The following TAMM41 variants were observed in gnomAD, a reference collection of about 807,000 sequenced individuals.
TAMM41 encodes phosphatidate cytidylyltransferase, mitochondrial.
In TAMM41, 36 loss-of-function variants were observed where a neutral mutation model predicts 44.1. The ratio of observed to expected loss-of-function variants is 0.82; its 90% CI spans 0.63 to 1.08. The LOEUF (loss-of-function observed/expected upper bound fraction) is 1.08. Ranked by LOEUF, TAMM41 falls within the 50% of genes least tolerant of loss-of-function variation. The pLI is 0.00. For synonymous variants in TAMM41, 164 were observed against 153.1 expected, an observed-to-expected ratio of 1.07 and a Z score of -0.53; for missense variants, 417 against 404.3, an observed-to-expected ratio of 1.03 and a Z score of -0.27.
the TAMM41 span, among the ~76,000 whole-genome samples, chr3:11,777,208 A>G: frequency 6.6e-6 from 1 of 152,224 alleles, no homozygotes; most frequent in South Asian, 2.1e-4. Context: ...TTCACAATGT[A>G]TACATACATC....
At chr3:11,785,325 T>TTTTTG in the TAMM41 span, among the ~76,000 whole-genome samples, 31 of 151,956 alleles carry the variant, frequency 2.0e-4, no homozygotes, top group African/African-American at 7.2e-4. Flanking sequence ...CTGGTTTTTG[T>TTTTTG]TTTTGTTTTG....
rs562096973 is a variant in TAMM41, at chr3:11,794,211, A to T, written c.938-3630T>A. Among the ~76,000 whole-genome samples the T allele has an allele frequency of 2.0e-5, 3 of 150,760 alleles. No individual in the cohort carries two copies. In the East Asian group the frequency reaches 5.9e-4, roughly 29 times the overall value. ...GAGTGCAGTGGCATAATCAAAGCTC[A>T]CTGGAGCCTCGATCTTCTGGGCTCA... On this transcript the variant is annotated intron_variant, in intron 7 of 7. Coordinates refer to ENST00000455809, the MANE Select transcript of TAMM41 (RefSeq NM_001284401.2).
chr3:11,810,636 T>C (rs2078058726), intron 5 of TAMM41: 1 of 152,232 alleles, frequency 6.6e-6, no homozygotes, highest in South Asian at 2.1e-4. Context: ...TAACTTCAAC[T>C]AAGAGAAGAG....
intron 4 of TAMM41, among the ~76,000 whole-genome samples, chr3:11,819,937 T>C (rs1013686546): frequency 6.6e-6 from 1 of 152,140 alleles, no homozygotes. Context: ...ATTTTACAGA[T>C]GAGGAGATGG....
chr3:11,811,750 C>T (rs1223643290), intron 5 of TAMM41, among the ~76,000 whole-genome samples: 3 of 152,064 alleles, frequency 2.0e-5, no homozygotes, highest in African/African-American at 4.8e-5. Flanking sequence ...AGAAAAATTA[C>T]AGAGACAGAA....
chr3:11,764,378 G>GC, the TAMM41 span, among the ~76,000 whole-genome samples: 1 of 151,654 alleles, frequency 6.6e-6, no homozygotes, highest in East Asian at 1.9e-4. Context: ...CTTGTGAAGT[G>GC]CCAGACCCTG....
At chr3:11,824,961 T>C (rs1371234156) in intron 4 of TAMM41, among the ~76,000 whole-genome samples, 1 of 152,032 alleles carries the variant, frequency 6.6e-6, no homozygotes, top group East Asian at 1.9e-4. Context: ...TGAGGCCCAC[T>C]GGGGTGGGTG....
rs1339606290 is a variant in TAMM41, at chr3:11,807,892, A to G, written c.878T>C (p.Leu293Pro). ...ACTAGACGGTCTCACGATTGCTGAA[A>G]GCCCTGCGAGAAAAAAACCAAAAAG... is the stretch of plus-strand genomic sequence containing the variant. ...PDCGDVVRLG[L>P]SAIVRPSSIR... The change falls in exon 7 of 8, where the codon CTT becomes CCT. Residue 293 changes from leucine to proline, a missense_variant. Leu to Pro is a moderately conservative substitution (Grantham distance 98). Transcript: ENST00000455809. The G allele has an allele frequency of 6.6e-7, 1 of 1,513,274 alleles. No individual in the cohort carries two copies. The highest frequency in any genetic ancestry group is 8.8e-7 in the Non-Finnish European group (1 of 1,136,782). The allele number at this position is 1,513,274 out of a possible 1,614,324, so 93.7% of individuals were successfully genotyped here.
the TAMM41 span, among the ~76,000 whole-genome samples, chr3:11,767,990 C>T: frequency 1.3e-5 from 2 of 150,986 alleles, no homozygotes; most frequent in African/African-American, 4.9e-5. Context: ...CACAGTAAGA[C>T]ACCACTTCAC....
chr3:11,741,347 C>G, the TAMM41 span, among the ~76,000 whole-genome samples: 1 of 149,182 alleles, frequency 6.7e-6, no homozygotes, highest in Non-Finnish European at 1.5e-5. Flanking sequence ...GCTGAATTCA[C>G]TCCTTTAAGC....
intron 7 of TAMM41, among the ~76,000 whole-genome samples, chr3:11,802,573 A>T (rs2077785662): frequency 6.6e-6 from 1 of 152,212 alleles, no homozygotes; most frequent in African/African-American, 2.4e-5. Flanking sequence ...TCCCAAGAAC[A>T]AAAAGAAGCC....
chr3:11,722,938 G>T, the TAMM41 span, among the ~76,000 whole-genome samples: 1 of 152,036 alleles, frequency 6.6e-6, no homozygotes, highest in Admixed American at 6.6e-5. Flanking sequence ...AGTCCAGTCT[G>T]GGTGACAGAG....
In TAMM41 at chr3:11,797,608, G is replaced by A. The variant is rs112875990; in HGVS notation, c.938-7027C>T. Among the ~76,000 whole-genome samples, 1,522 of 152,228 alleles carry A rather than the reference G, an allele frequency of 1.0e-2. 29 individuals are homozygous for A. The highest frequency in any genetic ancestry group is 0.035 in the African/African-American group (1,447 of 41,536). On this transcript the variant is annotated intron_variant, in intron 7 of 7. Transcript: ENST00000455809. ...ACATTTCCTGACAAAGATGCCAAAA[G>A]CAATTACAACAAAAGCAAAAATTTT...
chr3:11,838,806 T>TG (rs1029703760), intron 3 of TAMM41, among the ~76,000 whole-genome samples: 2 of 151,710 alleles, frequency 1.3e-5, no homozygotes, highest in Non-Finnish European at 2.9e-5. Context: ...AAGGTGGGAG[T>TG]GGGGGGCCTG....
At chr3:11,729,539 A>ATTTTTTTTTTTTTTT in the TAMM41 span, among the ~76,000 whole-genome samples, 27 of 32,294 alleles carry the variant, frequency 8.4e-4, 1 homozygote, top group East Asian at 3.2e-3. Flanking sequence ...TCTTTCTTTC[A>ATTTTTTTTTTTTTTT]TTTTTTTTTT....
the TAMM41 span, among the ~76,000 whole-genome samples, chr3:11,772,545 T>G: frequency 6.6e-6 from 1 of 152,186 alleles, no homozygotes; most frequent in Non-Finnish European, 1.5e-5. Flanking sequence ...TTTTAATGGC[T>G]GAGTATATCC....
At chr3:11,799,398 T>C (rs1025158889) in intron 7 of TAMM41, among the ~76,000 whole-genome samples, 4 of 152,120 alleles carry the variant, frequency 2.6e-5, no homozygotes, top group African/African-American at 9.7e-5. Flanking sequence ...ATTTGAGCTC[T>C]AGTCTCTGCG....
chr3:11,808,779 G>T, intron 6 of TAMM41: 1 of 233,484 alleles, frequency 4.3e-6, no homozygotes, highest in Non-Finnish European at 7.0e-6. Context: ...AGCCTGGAGT[G>T]TAGTGGTGCG....
chr3:11,765,581 C>G, the TAMM41 span, among the ~76,000 whole-genome samples: 1 of 152,300 alleles, frequency 6.6e-6, no homozygotes, highest in East Asian at 1.9e-4. Context: ...GTACATATAA[C>G]ACACACATAC....
Sources: gnomAD v4.1 joint callset for allele counts (sites outside exome capture counted in the v4.1 genomes callset) on GRCh38, gnomAD v4.1.1 for gene constraint, MANE v1.5 for transcripts, NCBI Gene and HGNC (gene_info 2026-07-23, HGNC 2026-07-21) for gene names.